Variants in CADM2 observed in about 807,000 individuals in gnomAD.
CADM2 encodes immunoglobulin superfamily member 4D.
Under a neutral mutation model 49.8 loss-of-function variants are expected in CADM2, and 12 were observed. That is an observed-to-expected ratio of 0.24 (90% CI 0.15 to 0.39). The LOEUF (loss-of-function observed/expected upper bound fraction) is 0.39, where lower values mean the gene tolerates loss of function less well. Among genes scored for constraint, CADM2 ranks in the 10% least tolerant of loss-of-function variants. CADM2 has a pLI of 1.00. For missense variants in CADM2, 378 were observed against 492.3 expected (o/e 0.77, Z 2.20); for synonymous variants, 214 against 175.4 (o/e 1.22, Z -1.74).
chr3:85,677,184 T>G (rs1032687958), intron 1 of CADM2, among the ~76,000 whole-genome samples: 1 of 152,218 alleles, frequency 6.6e-6, no homozygotes, highest in Non-Finnish European at 1.5e-5. Flanking sequence ...TTTATATGTT[T>G]TTTTTAACCC....
chr3:85,374,565 G>A (rs989254838), intron 1 of CADM2, among the ~76,000 whole-genome samples: 3 of 152,060 alleles, frequency 2.0e-5, no homozygotes, highest in Admixed American at 6.6e-5. Flanking sequence ...ACAATTTACT[G>A]TATTAGTTCA....
chr3:85,666,100 G>A (rs1265937084), intron 1 of CADM2, among the ~76,000 whole-genome samples: 5 of 151,872 alleles, frequency 3.3e-5, no homozygotes, highest in Admixed American at 2.0e-4. Flanking sequence ...ACCAACAACA[G>A]ACAAACAGAG....
intron 1 of CADM2, among the ~76,000 whole-genome samples, chr3:85,618,059 T>A (rs1159854480): frequency 2.0e-5 from 3 of 152,220 alleles, no homozygotes; most frequent in African/African-American, 7.2e-5. Context: ...GTCATTCTTT[T>A]CTTTAGGAGG....
At chr3:85,816,615 A>G (rs1409741092) in intron 3 of CADM2, among the ~76,000 whole-genome samples, 1 of 152,172 alleles carries the variant, frequency 6.6e-6, no homozygotes. Context: ...CTATTTTTCA[A>G]ATATCGTTTT....
chr3:85,693,039 C>T (rs2066434281), intron 1 of CADM2, among the ~76,000 whole-genome samples: 1 of 151,734 alleles, frequency 6.6e-6, no homozygotes, highest in Admixed American at 6.6e-5. Flanking sequence ...ACCATCCTAG[C>T]CAACATGGTA....
chr3:86,040,571 A>G lies in CADM2; in HGVS notation c.971-25034A>G, dbSNP rs187606323. 1.5e-4 allele frequency among the ~76,000 whole-genome samples: 23 copies of G among 152,296 alleles called. 1 individual carries two copies. The East Asian group carries it at 4.2e-3, about 28-fold the overall frequency. On this transcript the variant is annotated intron_variant, in intron 8 of 9. Coordinates refer to ENST00000383699, the MANE Select transcript of CADM2 (RefSeq NM_001167675.2). Reference sequence around the variant, plus strand: ...GAAACCAACAAAGCCTCCAAGAAATATGGGACTATGTGAAAAGACCAAATC... The same window carrying G: ...GAAACCAACAAAGCCTCCAAGAAATGTGGGACTATGTGAAAAGACCAAATC...
At chr3:85,997,998 G>A (rs1729642524) in intron 8 of CADM2, among the ~76,000 whole-genome samples, 1 of 152,052 alleles carries the variant, frequency 6.6e-6, no homozygotes, top group South Asian at 2.1e-4. Flanking sequence ...AGTATGATAA[G>A]CAACATGGAT....
chr3:85,996,484 C>T (rs928969442), intron 8 of CADM2, among the ~76,000 whole-genome samples: 21 of 151,822 alleles, frequency 1.4e-4, no homozygotes, highest in Non-Finnish European at 2.4e-4. Flanking sequence ...AATTCACATA[C>T]ATATAATCCA....
intron 1 of CADM2, among the ~76,000 whole-genome samples, chr3:85,573,438 G>A (rs950902164): frequency 1.3e-5 from 2 of 151,992 alleles, no homozygotes; most frequent in African/African-American, 4.8e-5. Flanking sequence ...GTGACCCACC[G>A]CCTTGACCTC....
At chr3:85,006,652 G>A (rs1261856260) in intron 1 of CADM2, among the ~76,000 whole-genome samples, 2 of 151,976 alleles carry the variant, frequency 1.3e-5, no homozygotes, top group Non-Finnish European at 2.9e-5. Context: ...CTTTCTTGTA[G>A]GGTAGCAACA....
chr3:85,744,556 A>T (rs2068532036), intron 2 of CADM2, among the ~76,000 whole-genome samples: 2 of 152,104 alleles, frequency 1.3e-5, no homozygotes, highest in African/African-American at 4.8e-5. Flanking sequence ...TAAATAAGTA[A>T]ATGAAATACT....
At chr3:85,228,562 A>G (rs1010882184) in intron 1 of CADM2, among the ~76,000 whole-genome samples, 1 of 151,664 alleles carries the variant, frequency 6.6e-6, no homozygotes, top group Admixed American at 6.6e-5. Flanking sequence ...TTTTCTTTCT[A>G]ACAGTCAGGC....
chr3:85,170,342 C>CT lies in CADM2; in HGVS notation c.61+210688dup, dbSNP rs10649749. ...CTAGATTGGTCACATCTTTTTCTAA[C>CT]TTTTTTTTTTTTTTGAGACAGAGTC... On this transcript the variant is annotated intron_variant, in intron 1 of 9. Transcript: ENST00000383699. Among the ~76,000 whole-genome samples, 573 of 144,340 alleles carry CT rather than the reference C, an allele frequency of 4.0e-3. 3 individuals are homozygous for CT. Among genetic ancestry groups the CT allele is most frequent in the Middle Eastern group, 0.032 (9 of 280 alleles). 94.7% of individuals were successfully genotyped at this position (144,340 alleles called of 152,430 possible).
At chr3:85,430,173 G>A (rs1369653100) in intron 1 of CADM2, among the ~76,000 whole-genome samples, 1 of 152,166 alleles carries the variant, frequency 6.6e-6, no homozygotes, top group African/African-American at 2.4e-5. Context: ...AATTGAAGGT[G>A]AGGACAAGTC....
At chr3:85,820,818 C>T (rs73845682) in intron 3 of CADM2, among the ~76,000 whole-genome samples, 3,858 of 152,048 alleles carry the variant, frequency 0.025, 189 homozygotes, top group African/African-American at 0.088. Context: ...AAAAGGAGTC[C>T]AAGGACTGAG....
At chr3:85,556,687 A>T (rs1378747660) in intron 1 of CADM2, among the ~76,000 whole-genome samples, 1 of 152,138 alleles carries the variant, frequency 6.6e-6, no homozygotes, top group Non-Finnish European at 1.5e-5. Context: ...TTCACAATTT[A>T]GCTCTCTAAA....
At chr3:85,434,651 T>C (rs2107528966) in intron 1 of CADM2, among the ~76,000 whole-genome samples, 1 of 152,254 alleles carries the variant, frequency 6.6e-6, no homozygotes, top group African/African-American at 2.4e-5. Context: ...TTAAAGAAAA[T>C]AAAACTTCAT....
chr3:85,913,404 T>TTA (rs1717882772), intron 6 of CADM2, among the ~76,000 whole-genome samples: 1 of 152,220 alleles, frequency 6.6e-6, no homozygotes, highest in African/African-American at 2.4e-5. Flanking sequence ...AGATTTTGTT[T>TTA]TCTCTATTTG....
intron 1 of CADM2, among the ~76,000 whole-genome samples, chr3:85,378,502 C>T (rs1002399608): frequency 6.6e-6 from 1 of 151,982 alleles, no homozygotes; most frequent in African/African-American, 2.4e-5. Context: ...GGGTGAGAGA[C>T]AGTAAGCTGC....
Sources: gnomAD v4.1 joint callset for allele counts (sites outside exome capture counted in the v4.1 genomes callset) on GRCh38, gnomAD v4.1.1 for gene constraint, MANE v1.5 for transcripts, NCBI Gene and HGNC (gene_info 2026-07-23, HGNC 2026-07-21) for gene names.